The following NOX4 variants were observed in gnomAD, a reference collection of about 807,000 sequenced individuals.
NOX4 encodes kidney oxidase-1.
A neutral mutation model predicts 87.6 loss-of-function variants in NOX4; 69 were observed. The ratio of observed to expected loss-of-function variants is 0.79; its 90% CI spans 0.65 to 0.96. The LOEUF (loss-of-function observed/expected upper bound fraction) is 0.96. Ranked by LOEUF, NOX4 falls within the 40% of genes least tolerant of loss-of-function variation. The pLI is 0.00. For synonymous variants in NOX4, 275 were observed against 238.2 expected (o/e 1.15, Z -1.42); for missense variants, 680 against 681.5 (o/e 1.00, Z 0.02).
chr11:89,432,693 G>T (rs1773427929), intron 7 of NOX4, 91 bp downstream of exon 7: 1 of 860,562 alleles, frequency 1.2e-6, no homozygotes, highest in Non-Finnish European at 1.9e-6. Context: ...CATTAACCAG[G>T]ACACTACAAT....
chr11:89,506,210 A>G, the NOX4 span, among the ~76,000 whole-genome samples: 1 of 122,108 alleles, frequency 8.2e-6, no homozygotes, highest in Non-Finnish European at 1.8e-5. Flanking sequence ...CCATTTGTAG[A>G]AAGAAAGAAA....
chr11:89,435,128 A>C (rs1449766958), intron 6 of NOX4, among the ~76,000 whole-genome samples: 2 of 152,120 alleles, frequency 1.3e-5, no homozygotes, highest in Admixed American at 6.6e-5. Context: ...GTGTACTTCA[A>C]TTATAATTTC....
chr11:89,519,070 A>G, the NOX4 span, among the ~76,000 whole-genome samples: 1 of 152,070 alleles, frequency 6.6e-6, no homozygotes, highest in African/African-American at 2.4e-5. Flanking sequence ...GGTTGTTGGT[A>G]TCAAATAATA....
chr11:89,394,115 T>G (rs764532763), intron 11 of NOX4, among the ~76,000 whole-genome samples: 23 of 152,140 alleles, frequency 1.5e-4, no homozygotes, highest in Non-Finnish European at 2.5e-4. Context: ...ACTTCTTTTG[T>G]GTTTTCCCTT....
At chr11:89,491,435 T>A, upstream of NOX4, 1 of 548,962 alleles carries the variant, frequency 1.8e-6, no homozygotes, top group Non-Finnish European at 3.1e-6. Context: ...CAGAGCCGGG[T>A]TTTCCGGGCG....
chr11:89,367,373 A>C (rs2135033067), intron 12 of NOX4, among the ~76,000 whole-genome samples: 1 of 152,154 alleles, frequency 6.6e-6, no homozygotes, highest in Non-Finnish European at 1.5e-5. Context: ...CAATAGGCCC[A>C]TTTGCTATGT....
At chr11:89,515,837 A>T in the NOX4 span, among the ~76,000 whole-genome samples, 1 of 152,008 alleles carries the variant, frequency 6.6e-6, no homozygotes, top group Non-Finnish European at 1.5e-5. Context: ...GACCATATAC[A>T]TGTGCGGCTA....
At chr11:89,457,872 G>C (rs1945276173) in intron 2 of NOX4, among the ~76,000 whole-genome samples, 2 of 151,912 alleles carry the variant, frequency 1.3e-5, no homozygotes, top group Admixed American at 1.3e-4. Flanking sequence ...ACCTCTGTAA[G>C]AGAATTACAA....
At chr11:89,508,459 T>C in the NOX4 span, among the ~76,000 whole-genome samples, 2 of 152,098 alleles carry the variant, frequency 1.3e-5, no homozygotes, top group African/African-American at 4.8e-5. Context: ...ATTACTCGTG[T>C]TGAGAAAATA....
the NOX4 span, among the ~76,000 whole-genome samples, chr11:89,542,595 A>G: frequency 6.6e-6 from 1 of 152,158 alleles, no homozygotes; most frequent in Non-Finnish European, 1.5e-5. Flanking sequence ...CTAAAGCTGG[A>G]TGTGGCCATG....
intron 1 of NOX4, among the ~76,000 whole-genome samples, chr11:89,497,623 G>C (rs1054978278): frequency 3.3e-5 from 5 of 152,266 alleles, no homozygotes; most frequent in Admixed American, 2.0e-4. Context: ...TGCACACTTA[G>C]AGGGTATTTA....
the NOX4 span, among the ~76,000 whole-genome samples, chr11:89,512,316 A>G: frequency 6.6e-6 from 1 of 152,100 alleles, no homozygotes; most frequent in Non-Finnish European, 1.5e-5. Flanking sequence ...ATAATTGTCA[A>G]GTGTACAATA....
At chr11:89,518,751 G>T in the NOX4 span, among the ~76,000 whole-genome samples, 2,264 of 152,054 alleles carry the variant, frequency 0.015, 47 homozygotes, top group African/African-American at 0.047. Context: ...AAATAAGGTT[G>T]GTCCTTAATG....
chr11:89,363,426 A>C (rs1188173247), intron 12 of NOX4, among the ~76,000 whole-genome samples: 1 of 152,148 alleles, frequency 6.6e-6, no homozygotes, highest in African/African-American at 2.4e-5. Flanking sequence ...CATTTGTCAC[A>C]TACTGTGAAC....
rs564294145 is a variant in NOX4, at chr11:89,449,577, G to C, written c.265-53C>G. The stretch of plus-strand genomic sequence containing the variant: ...AAATAATGCAACAAATGTGATAAAA[G>C]TTTTTCAGTATAGCATTGTTCATTA... On this transcript the variant is annotated intron_variant, in intron 3 of 17. Transcript: ENST00000263317. 9.2e-6 allele frequency: 13 copies of C among 1,416,268 alleles called. No individual in the cohort carries two copies. In the African/African-American group the frequency reaches 1.7e-4, roughly 19 times the overall value. The allele number at this position is 1,416,268 out of a possible 1,614,324, so 87.7% of individuals were successfully genotyped here.
At chr11:89,538,762 G>C in the NOX4 span, among the ~76,000 whole-genome samples, 33 of 151,718 alleles carry the variant, frequency 2.2e-4, no homozygotes, top group Middle Eastern at 0.01. Context: ...CATAAGTTAA[G>C]AATAAAGTGT....
chr11:89,582,920 C>T, the NOX4 span, among the ~76,000 whole-genome samples: 8 of 152,152 alleles, frequency 5.3e-5, no homozygotes, highest in Non-Finnish European at 7.3e-5. Flanking sequence ...CTATAAGCAG[C>T]GCCTGTTCCT....
chr11:89,425,187 T>C (rs978569947), intron 7 of NOX4, among the ~76,000 whole-genome samples: 1 of 152,026 alleles, frequency 6.6e-6, no homozygotes. Flanking sequence ...GATTCCTCTA[T>C]CTAAATAAAA....
chr11:89,435,479 A>G (rs1944036976), intron 6 of NOX4, among the ~76,000 whole-genome samples: 2 of 152,132 alleles, frequency 1.3e-5, no homozygotes, highest in Admixed American at 1.3e-4. Flanking sequence ...TTGAAATATT[A>G]GTTTCTATTA....
Sources: allele counts gnomAD v4.1 joint callset (sites outside exome capture counted in the v4.1 genomes callset), GRCh38; gene constraint gnomAD v4.1.1; transcripts MANE v1.5; gene names NCBI Gene and HGNC (gene_info 2026-07-23, HGNC 2026-07-21).